The following RIC1 variants were observed in gnomAD, a reference collection of about 807,000 sequenced individuals.
RIC1 encodes the protein guanine nucleotide exchange factor subunit RIC1.
In RIC1, 88 loss-of-function variants were observed where a neutral mutation model predicts 169.0. The observed-to-expected ratio is 0.52, with a 90% CI of 0.44 to 0.62. The LOEUF is 0.62. RIC1 is among the 20% of genes least tolerant of loss of function. The probability of loss-of-function intolerance (pLI) is 0.00; values close to 1 mark genes in which losing one functional copy is unlikely to be tolerated. For missense variants in RIC1, 1,877 were observed against 1,725.5 expected, an observed-to-expected ratio of 1.09 and a Z score of -1.56; for synonymous variants, 790 against 601.5, an observed-to-expected ratio of 1.31 and a Z score of -4.59.
chr9:5,728,050 A>G (rs762063894), intron 6 of RIC1, among the ~76,000 whole-genome samples: 1 of 152,222 alleles, frequency 6.6e-6, no homozygotes, highest in Non-Finnish European at 1.5e-5. Context: ...GTGCTGGGCA[A>G]ACCACTACTC....
At chr9:5,665,853 G>A (rs1057513433) in intron 2 of RIC1, among the ~76,000 whole-genome samples, 1 of 152,170 alleles carries the variant, frequency 6.6e-6, no homozygotes, top group South Asian at 2.1e-4. Context: ...TGTTAGCTCA[G>A]ATGTGCCTGG....
chr9:5,637,695 AAGTG>A (rs1818039376), intron 1 of RIC1, among the ~76,000 whole-genome samples: 1 of 152,232 alleles, frequency 6.6e-6, no homozygotes, highest in Admixed American at 6.5e-5. Context: ...TCCCACAAAT[AAGTG>A]AGAACATGCG....
chr9:5,661,029 G>T (rs1819420799), intron 2 of RIC1, among the ~76,000 whole-genome samples: 1 of 152,060 alleles, frequency 6.6e-6, no homozygotes, highest in South Asian at 2.1e-4. Context: ...GTAAGGAAGG[G>T]GTCCAGTTTC....
chr9:5,738,326 C>T, intron 7 of RIC1, 124 bp from the exon 8 acceptor site: 1 of 654,964 alleles, frequency 1.5e-6, no homozygotes, highest in Non-Finnish European at 2.6e-6. Flanking sequence ...ATGACTGCAA[C>T]TTATTGACAA....
intron 2 of RIC1, among the ~76,000 whole-genome samples, chr9:5,673,537 T>TAGATAG (rs1387450724): frequency 2.9e-5 from 4 of 136,650 alleles, no homozygotes; most frequent in African/African-American, 1.2e-4. Flanking sequence ...CATAAGGAGA[T>TAGATAG]ATATATATAT....
chr9:5,728,020 G>A (rs996751441), intron 6 of RIC1, among the ~76,000 whole-genome samples: 3 of 152,204 alleles, frequency 2.0e-5, no homozygotes, highest in African/African-American at 7.2e-5. Flanking sequence ...CAGTCTGTCT[G>A]TTCTCAGACC....
In RIC1 at chr9:5,722,167, C is replaced by T. The variant is rs544998238; in HGVS notation, c.720+1417C>T. On this transcript the variant is annotated intron_variant, in intron 6 of 25. Coordinates refer to ENST00000414202, the MANE Select transcript of RIC1 (RefSeq NM_020829.4). ...CCTCCCAATGTGCTGGGATTACAGGCGTCAGCCATGGTGCCCAGCCCATTT... is the reference window on the plus strand; with the variant it reads ...CCTCCCAATGTGCTGGGATTACAGGTGTCAGCCATGGTGCCCAGCCCATTT... Among the ~76,000 whole-genome samples the T allele has an allele frequency of 5.3e-5, 8 of 151,190 alleles. No individual in the cohort carries two copies. The East Asian group carries it at 1.4e-3, about 26-fold the overall frequency.
In RIC1 at chr9:5,681,727, A is replaced by G. The variant is rs1346526795; in HGVS notation, c.253-8232A>G. Reference sequence around the variant, plus strand: ...AACTTTCTGTCTCTTTGATCTGTCTAATGGTGACAGTGGGGTGTTAAAGTC... The same window carrying G: ...AACTTTCTGTCTCTTTGATCTGTCTGATGGTGACAGTGGGGTGTTAAAGTC... On this transcript the variant is annotated intron_variant, in intron 2 of 25. Transcript: ENST00000414202. Among the ~76,000 whole-genome samples, 5 of 152,094 alleles carry G rather than the reference A, an allele frequency of 3.3e-5. 1 individual carries two copies. The South Asian group carries it at 6.2e-4, about 19-fold the overall frequency.
intron 3 of RIC1, among the ~76,000 whole-genome samples, chr9:5,693,367 C>T (rs1821697932): frequency 6.6e-6 from 1 of 152,148 alleles, no homozygotes; most frequent in African/African-American, 2.4e-5. Context: ...TCAGATGCCT[C>T]ATGATCTTTC....
At chr9:5,707,811 T>G (rs1209495531) in intron 3 of RIC1, among the ~76,000 whole-genome samples, 1 of 152,158 alleles carries the variant, frequency 6.6e-6, no homozygotes, top group Non-Finnish European at 1.5e-5. Context: ...ACTCATTTGG[T>G]TTATTCGAAT....
chr9:5,680,853 G>A (rs755223942), intron 2 of RIC1, among the ~76,000 whole-genome samples: 1 of 110,856 alleles, frequency 9.0e-6, no homozygotes, highest in Non-Finnish European at 1.7e-5. Context: ...TTGAGACGGA[G>A]TCTCGCTCTG....
intron 2 of RIC1, among the ~76,000 whole-genome samples, chr9:5,674,481 G>T (rs1298451144): frequency 6.6e-6 from 1 of 152,018 alleles, no homozygotes; most frequent in African/African-American, 2.4e-5. Flanking sequence ...ATAAGACGGT[G>T]GTGAAAGGAT....
intron 7 of RIC1, among the ~76,000 whole-genome samples, chr9:5,737,605 T>C (rs371493075): frequency 6.6e-6 from 1 of 151,596 alleles, no homozygotes. Flanking sequence ...CACACATGTT[T>C]TATATCTTAA....
At chr9:5,675,946 G>A (rs1820415463) in intron 2 of RIC1, among the ~76,000 whole-genome samples, 1 of 152,170 alleles carries the variant, frequency 6.6e-6, no homozygotes, top group Non-Finnish European at 1.5e-5. Flanking sequence ...AATTATGACA[G>A]TAAAAGAAAT....
intron 2 of RIC1, among the ~76,000 whole-genome samples, chr9:5,687,064 A>G (rs1821293551): frequency 6.6e-6 from 1 of 152,136 alleles, no homozygotes; most frequent in South Asian, 2.1e-4. Flanking sequence ...TTTTCAGTGA[A>G]CTTTGGTGGT....
intron 1 of RIC1, among the ~76,000 whole-genome samples, chr9:5,641,991 C>T (rs796906337): frequency 6.9e-6 from 1 of 143,890 alleles, no homozygotes; most frequent in South Asian, 2.1e-4. Context: ...TGTAGATGTT[C>T]ATTGGTGTGT....
At chr9:5,654,857 A>G (rs1224387920) in intron 1 of RIC1, among the ~76,000 whole-genome samples, 2 of 151,936 alleles carry the variant, frequency 1.3e-5, no homozygotes, top group Non-Finnish European at 2.9e-5. Flanking sequence ...CTGGCCTGCA[A>G]ATGTGTTTAT....
At chr9:5,671,409 G>A (rs1820098395) in intron 2 of RIC1, among the ~76,000 whole-genome samples, 3 of 151,948 alleles carry the variant, frequency 2.0e-5, no homozygotes, top group Non-Finnish European at 2.9e-5. Flanking sequence ...CCAAGTAGTT[G>A]GGATTACAGG....
chr9:5,644,543 C>T (rs1818409181), intron 1 of RIC1, among the ~76,000 whole-genome samples: 2 of 152,308 alleles, frequency 1.3e-5, no homozygotes, highest in East Asian at 1.9e-4. Context: ...CCTTCTCATC[C>T]TTCTGAGTCT....
Sources: allele counts gnomAD v4.1 joint callset (sites outside exome capture counted in the v4.1 genomes callset), GRCh38; gene constraint gnomAD v4.1.1; transcripts MANE v1.5; gene names NCBI Gene and HGNC (gene_info 2026-07-23, HGNC 2026-07-21).